Variants in TENM2 observed in about 807,000 individuals in gnomAD.
TENM2 encodes teneurin transmembrane protein 2.
In TENM2, 52 loss-of-function variants were observed where a neutral mutation model predicts 245.2. That is an observed-to-expected ratio of 0.21 (90% confidence interval 0.17 to 0.27). The LOEUF is 0.27. Among genes scored for constraint, TENM2 ranks in the 10% least tolerant of loss-of-function variants. The pLI is 1.00. For synonymous variants in TENM2, 1,363 were observed against 1,438.9 expected, an observed-to-expected ratio of 0.95 and a Z score of 1.19; for missense variants, 3,046 against 3,666.8, an observed-to-expected ratio of 0.83 and a Z score of 4.37.
intron 2 of TENM2, among the ~76,000 whole-genome samples, chr5:167,712,648 T>C (rs1460508309): frequency 6.6e-6 from 1 of 152,148 alleles, no homozygotes; most frequent in Non-Finnish European, 1.5e-5. Context: ...AATAATCCTA[T>C]TCAGAAATAT....
intron 1 of TENM2, among the ~76,000 whole-genome samples, chr5:167,366,377 G>A (rs1760056011): frequency 6.6e-6 from 1 of 151,968 alleles, no homozygotes; most frequent in African/African-American, 2.4e-5. Context: ...AAGAAATAAA[G>A]CAAGTTTCTT....
chr5:167,104,121 T>C, the TENM2 span, among the ~76,000 whole-genome samples: 6 of 151,970 alleles, frequency 3.9e-5, no homozygotes, highest in Admixed American at 3.9e-4. Flanking sequence ...TGTATCATAA[T>C]TGTTTATTTT....
At chr5:167,430,527 C>CG (rs937499516) in intron 2 of TENM2, among the ~76,000 whole-genome samples, 2 of 152,022 alleles carry the variant, frequency 1.3e-5, no homozygotes, top group Admixed American at 6.6e-5. Context: ...CCGGAGATGG[C>CG]GGGGGGTCTG....
the TENM2 span, among the ~76,000 whole-genome samples, chr5:167,121,709 T>C: frequency 2.6e-5 from 4 of 152,218 alleles, no homozygotes; most frequent in South Asian, 6.2e-4. Flanking sequence ...TAGGAGTACA[T>C]AGCCCTTTCT....
intron 2 of TENM2, among the ~76,000 whole-genome samples, chr5:167,683,893 C>T (rs1362077854): frequency 3.3e-5 from 5 of 152,110 alleles, no homozygotes; most frequent in Admixed American, 6.5e-5. Flanking sequence ...GTTAAAAATG[C>T]GTGTAGTACT....
chr5:167,615,007 C>T (rs1223553041), intron 2 of TENM2, among the ~76,000 whole-genome samples: 1 of 152,038 alleles, frequency 6.6e-6, no homozygotes, highest in African/African-American at 2.4e-5. Context: ...GTTTGGCATT[C>T]TTCATATAAG....
intron 2 of TENM2, among the ~76,000 whole-genome samples, chr5:167,493,445 A>C (rs1288994132): frequency 2.0e-5 from 3 of 152,136 alleles, no homozygotes; most frequent in African/African-American, 7.2e-5. Context: ...AATTTCTCTG[A>C]AGGCTTCATT....
chr5:167,299,658 C>T (rs893613183), intron 1 of TENM2, among the ~76,000 whole-genome samples: 2 of 152,014 alleles, frequency 1.3e-5, no homozygotes, highest in Admixed American at 1.3e-4. Flanking sequence ...GGCGATTAGG[C>T]CTGGTGGAAC....
chr5:167,955,384 T>C (rs2151858106), intron 4 of TENM2, among the ~76,000 whole-genome samples: 1 of 152,342 alleles, frequency 6.6e-6, no homozygotes. Flanking sequence ...GTCAGATGGA[T>C]AGATGGCAAA....
At chr5:167,416,203 G>A (rs1433839243) in intron 2 of TENM2, among the ~76,000 whole-genome samples, 4 of 152,184 alleles carry the variant, frequency 2.6e-5, no homozygotes, top group Non-Finnish European at 1.5e-5. Context: ...ATAAGCCAGT[G>A]TGTGGATGCC....
At chr5:167,047,021 A>G in the TENM2 span, among the ~76,000 whole-genome samples, 3 of 152,192 alleles carry the variant, frequency 2.0e-5, no homozygotes, top group Non-Finnish European at 4.4e-5. Context: ...ATGTCCCTGC[A>G]AATGTCCTTT....
At chr5:167,644,868 A>T (rs1779830637) in intron 2 of TENM2, among the ~76,000 whole-genome samples, 1 of 152,174 alleles carries the variant, frequency 6.6e-6, no homozygotes, top group African/African-American at 2.4e-5. Flanking sequence ...GTTCTGAGAA[A>T]TGTGTCATTT....
chr5:167,171,355 T>A, the TENM2 span, among the ~76,000 whole-genome samples: 2,782 of 152,324 alleles, frequency 0.018, 92 homozygotes, highest in African/African-American at 0.063. Context: ...GACCTGCCTA[T>A]GTGTGTGATC....
intron 5 of TENM2, among the ~76,000 whole-genome samples, chr5:168,016,347 T>A (rs1785653856): frequency 6.6e-6 from 1 of 152,260 alleles, no homozygotes; most frequent in African/African-American, 2.4e-5. Context: ...TGTCTTACTA[T>A]CATTCCATTA....
At chr5:167,335,722 C>T (rs1396620931) in intron 1 of TENM2, among the ~76,000 whole-genome samples, 3 of 152,110 alleles carry the variant, frequency 2.0e-5, no homozygotes, top group Non-Finnish European at 4.4e-5. Context: ...TCTAATCTTT[C>T]AAAATCCATC....
intron 12 of TENM2, among the ~76,000 whole-genome samples, chr5:168,150,680 GT>G (rs1562219915): frequency 6.6e-6 from 1 of 152,194 alleles, no homozygotes; most frequent in African/African-American, 2.4e-5. Flanking sequence ...GGGAAATGAA[GT>G]TAAAAGCAGA....
chr5:167,366,381 G>A (rs1001834424), intron 1 of TENM2, among the ~76,000 whole-genome samples: 3 of 151,968 alleles, frequency 2.0e-5, no homozygotes, highest in African/African-American at 7.2e-5. Context: ...AATAAAGCAA[G>A]TTTCTTCCTC....
At chr5:167,518,935 T>A (rs780850527) in intron 2 of TENM2, among the ~76,000 whole-genome samples, 8 of 152,086 alleles carry the variant, frequency 5.3e-5, no homozygotes, top group Non-Finnish European at 1.2e-4. Flanking sequence ...AGATTCAGTC[T>A]TGGAGAAGAG....
At chr5:167,654,593 T>G (rs1754712412) in intron 2 of TENM2, among the ~76,000 whole-genome samples, 1 of 151,640 alleles carries the variant, frequency 6.6e-6, no homozygotes, top group South Asian at 2.1e-4. Context: ...TCATTCACTT[T>G]TTTTTTTTTT....
Sources: gnomAD v4.1 joint callset for allele counts (sites outside exome capture counted in the v4.1 genomes callset) on GRCh38, gnomAD v4.1.1 for gene constraint, MANE v1.5 for transcripts, NCBI Gene and HGNC (gene_info 2026-07-23, HGNC 2026-07-21) for gene names.